Variants in APPL2 observed in about 807,000 individuals in gnomAD.
APPL2 encodes DCC-interacting protein 13-beta.
Under a neutral mutation model 92.7 loss-of-function variants are expected in APPL2, and 84 were observed. The ratio of observed to expected loss-of-function variants is 0.91; its 90% confidence interval spans 0.76 to 1.09. The LOEUF is 1.09. Ranked by LOEUF, APPL2 falls within the 50% of genes least tolerant of loss-of-function variation. The probability of loss-of-function intolerance (pLI) is 0.00; values close to 1 mark genes in which losing one functional copy is unlikely to be tolerated. For synonymous variants in APPL2, 291 were observed against 291.0 expected (o/e 1.00, Z 0.00); for missense variants, 736 against 824.5 (o/e 0.89, Z 1.31).
intron 3 of APPL2, among the ~76,000 whole-genome samples, 166 bp downstream of exon 3, chr12:105,217,500 G>A (rs1889785279): frequency 6.6e-6 from 1 of 152,008 alleles, no homozygotes; most frequent in South Asian, 2.1e-4. Flanking sequence ...AAAGACTTTG[G>A]GATAATCACT....
rs549843108 is a variant in APPL2, at chr12:105,216,501, A to T, written c.285+568T>A. The stretch of plus-strand genomic sequence containing the variant: ...TAATGAAGGATCCTGAAATGAGATC[A>T]TCCTGGATTGTCACTAAATCCAATG... On this transcript the variant is annotated intron_variant, in intron 4 of 20. Transcript: ENST00000258530. 2.0e-5 allele frequency among the ~76,000 whole-genome samples: 3 copies of T among 152,318 alleles called. No homozygotes were observed. In the East Asian group the frequency reaches 5.8e-4, roughly 29 times the overall value.
chr12:105,233,275 G>A (rs1891049853), intron 1 of APPL2: 2 of 985,378 alleles, frequency 2.0e-6, no homozygotes, highest in Admixed American at 1.2e-4. Flanking sequence ...ACAGCCAGTA[G>A]TGCCAGGCAA....
chr12:105,176,864 T>C lies in APPL2; in HGVS notation c.1812+12A>G. 6.2e-7 allele frequency: 1 copy of C among 1,612,682 alleles called. No individual in the cohort carries two copies. Reference sequence around the variant, plus strand: ...ACTGGGATATTATGGGATCTTCACATGAAAAAGAGACCTTTTCGCCTTCTG... The same window carrying C: ...ACTGGGATATTATGGGATCTTCACACGAAAAAGAGACCTTTTCGCCTTCTG... On this transcript the variant is annotated intron_variant, in intron 19 of 20. Coordinates refer to ENST00000258530, the MANE Select transcript of APPL2 (RefSeq NM_018171.5).
chr12:105,198,354 A>T (rs1487886842), intron 10 of APPL2, among the ~76,000 whole-genome samples: 1 of 152,150 alleles, frequency 6.6e-6, no homozygotes, highest in Non-Finnish European at 1.5e-5. Flanking sequence ...CCCACCCCAT[A>T]GTCCTAGGAG....
At chr12:105,208,114 G>C in intron 6 of APPL2, 44 bp downstream of exon 6, 1 of 1,613,802 alleles carries the variant, frequency 6.2e-7, no homozygotes. Context: ...CCCCGCCACA[G>C]TAAGCCCACA....
chr12:105,234,207 C>T (rs757360064), intron 1 of APPL2, among the ~76,000 whole-genome samples: 36 of 152,202 alleles, frequency 2.4e-4, no homozygotes, highest in Non-Finnish European at 4.9e-4. Flanking sequence ...ACCTCCTCTG[C>T]CACATACAAG....
intron 4 of APPL2, among the ~76,000 whole-genome samples, chr12:105,214,979 G>A (rs1275619215): frequency 6.6e-6 from 1 of 152,224 alleles, no homozygotes; most frequent in East Asian, 1.9e-4. Context: ...CGTCCCCAGA[G>A]AGGGCACGGA....
intron 5 of APPL2, 58 bp from the exon 6 acceptor site, chr12:105,208,257 G>A: frequency 1.3e-6 from 2 of 1,591,252 alleles, no homozygotes; most frequent in South Asian, 1.1e-5. Flanking sequence ...TGCCAACCCA[G>A]AGCTCTGCAC....
chr12:105,177,894 G>A (rs1885711472), intron 17 of APPL2, among the ~76,000 whole-genome samples: 1 of 152,090 alleles, frequency 6.6e-6, no homozygotes, highest in South Asian at 2.1e-4. Context: ...GGGTTCAAGC[G>A]ATTCTCCTGC....
chr12:105,203,824 G>A lies in APPL2; in HGVS notation c.622-39C>T, dbSNP rs1432609822. The A allele has an allele frequency of 3.2e-6, 5 of 1,574,746 alleles. No individual in the cohort carries two copies. The African/African-American group carries it at 4.1e-5, about 13-fold the overall frequency. On this transcript the variant is annotated intron_variant, in intron 8 of 20. Coordinates refer to ENST00000258530, the MANE Select transcript of APPL2 (RefSeq NM_018171.5). The stretch of plus-strand genomic sequence containing the variant: ...TTATAATATTCTGAAAATCATCCAG[G>A]GAAGTGATCAGTGAACTCACTGAAG...
At position 105,174,392 on chromosome 12, in the gene APPL2, T is replaced by C; in HGVS notation, c.1917A>G (p.Lys639=). Residue 639 remains lysine, a synonymous_variant, in exon 21 of 21, where the codon AAA becomes AAG. Coordinates refer to ENST00000258530, the MANE Select transcript of APPL2 (RefSeq NM_018171.5). ...CTGGTTGATCGTTTAACAGTACATA[T>C]TTTCCGTCATTGGTTAGTGGTATGG... is the stretch of plus-strand genomic sequence containing the variant. ...MLSIPLTNDG[K]YVLLNDQPDD... 1.2e-6 allele frequency: 2 copies of C among 1,613,948 alleles called. No homozygotes were observed. Among genetic ancestry groups the C allele is most frequent in the East Asian group, 4.5e-5 (2 of 44,874 alleles).
intron 9 of APPL2, among the ~76,000 whole-genome samples, chr12:105,202,084 T>G (rs1265287433): frequency 1.3e-5 from 2 of 152,152 alleles, no homozygotes; most frequent in African/African-American, 2.4e-5. Flanking sequence ...AAATTTAAAA[T>G]TACAGGAAAA....
intron 2 of APPL2, among the ~76,000 whole-genome samples, chr12:105,227,289 A>T (rs1436297920): frequency 6.6e-6 from 1 of 152,110 alleles, no homozygotes; most frequent in Non-Finnish European, 1.5e-5. Flanking sequence ...GCCAGCCCAA[A>T]GCTAGTTCTA....
intron 2 of APPL2, among the ~76,000 whole-genome samples, chr12:105,218,936 C>T (rs890013794): frequency 5.3e-5 from 8 of 152,236 alleles, no homozygotes; most frequent in African/African-American, 1.9e-4. Flanking sequence ...CCTCTAATCT[C>T]TGGCTACACA....
At chr12:105,231,642 T>C (rs1890926878) in intron 1 of APPL2, among the ~76,000 whole-genome samples, 1 of 152,198 alleles carries the variant, frequency 6.6e-6, no homozygotes, top group Non-Finnish European at 1.5e-5. Context: ...CGTACAGCCC[T>C]GACTGGAGGC....
chr12:105,208,114 G>A (rs1888902007), intron 6 of APPL2, 44 bp downstream of exon 6: 1 of 1,613,684 alleles, frequency 6.2e-7, no homozygotes, highest in Non-Finnish European at 8.5e-7. Flanking sequence ...CCCCGCCACA[G>A]TAAGCCCACA....
chr12:105,184,072 T>G (rs1287198627), intron 17 of APPL2, among the ~76,000 whole-genome samples: 1 of 152,214 alleles, frequency 6.6e-6, no homozygotes, highest in Non-Finnish European at 1.5e-5. Flanking sequence ...TTGTGTATGC[T>G]TCACGAAGTT....
Position 105,208,012 on chromosome 12 carries a change from C to T in APPL2, c.433G>A (p.Ala145Thr). 1 of 1,614,114 alleles carries T rather than the reference C, an allele frequency of 6.2e-7. No individual in the cohort carries two copies. Among genetic ancestry groups the T allele is most frequent in the Non-Finnish European group, 8.5e-7 (1 of 1,180,004 alleles). ...LASNEHDLSM[A>T]KYSRLPKKKE... ...TTCTTAGGCAGCCTGCTGTATTTTG[C>T]CATTGAGAGGTCATGCTCTAAAAAT... Residue 145 changes from alanine to threonine, a missense_variant, in exon 7 of 21, where the codon GCA becomes ACA. By Grantham distance (58) the Ala-to-Thr change is moderately conservative. Transcript: ENST00000258530.
At chr12:105,230,485 T>C (rs947783080) in intron 1 of APPL2, among the ~76,000 whole-genome samples, 35 of 152,196 alleles carry the variant, frequency 2.3e-4, no homozygotes, top group African/African-American at 8.0e-4. Flanking sequence ...CCATTAGGCA[T>C]AGAATGAAGA....
Sources: gnomAD v4.1 joint callset for allele counts (sites outside exome capture counted in the v4.1 genomes callset) on GRCh38, gnomAD v4.1.1 for gene constraint, MANE v1.5 for transcripts, NCBI Gene and HGNC (gene_info 2026-07-23, HGNC 2026-07-21) for gene names.